FEM1B: variants seen among roughly 807,000 people sequenced by gnomAD.
The protein encoded by FEM1B is fem-1 homolog B.
A neutral mutation model predicts 38.6 loss-of-function variants in FEM1B; 10 were observed. The observed-to-expected ratio is 0.26, with a 90% CI of 0.16 to 0.44. The LOEUF (loss-of-function observed/expected upper bound fraction) is 0.44. Ranked by LOEUF, FEM1B falls within the 20% of genes least tolerant of loss-of-function variation. FEM1B has a pLI of 1.00. For synonymous variants in FEM1B, 288 were observed against 288.0 expected (o/e 1.00, Z 0.00); for missense variants, 471 against 786.7 (o/e 0.60, Z 4.80).
rs138070159 is a variant in FEM1B at position 68,289,465 on chromosome 15, A to T, written c.249-142A>T. 216 of 634,826 alleles carry T rather than the reference A, an allele frequency of 3.4e-4. 2 individuals carry two copies. In the East Asian group the frequency reaches 5.4e-3, roughly 16 times the overall value. The allele number at this position is 634,826 out of a possible 1,614,324, so 39.3% of individuals were successfully genotyped here. ...CTATGCAAAGTGCTTTCCTTAAATT[A>T]CCTGTTTTTATTTTCATGAGAACTG... On this transcript the variant is annotated intron_variant, in intron 1 of 1. Transcript: ENST00000306917. The surrounding 1 kb of genome is among the most constrained non-coding windows in gnomAD (Gnocchi z 6.9).
At chr15:68,279,826 C>T (rs1320748900) in intron 1 of FEM1B, 5 of 152,156 alleles carry the variant, frequency 3.3e-5, no homozygotes, top group African/African-American at 1.2e-4. Flanking sequence ...AGCCCATGGG[C>T]AATGGCTTAT....
chr15:68,290,742 G>C lies in FEM1B; in HGVS notation c.1384G>C (p.Glu462Gln). 1 of 1,613,958 alleles carries C rather than the reference G, an allele frequency of 6.2e-7. No homozygotes were observed. The change falls in exon 2 of 2, where the codon GAA becomes CAA. Residue 462 changes from glutamate (E) to glutamine (Q), a missense_variant. Coordinates refer to ENST00000306917, the MANE Select transcript of FEM1B (RefSeq NM_015322.5). The surrounding 1 kb of genome is among the most constrained non-coding windows in gnomAD (Gnocchi z 9.7). ...CTCTACCAAAACACAGTGCAGCGAA[G>C]AAGATCAGTGCAAAATTAACAAGCA... is the stretch of plus-strand genomic sequence containing the variant. ...CISTKTQCSE[E>Q]DQCKINKQIY...
In FEM1B at chr15:68,291,758, A is replaced by G. The variant is rs1459251452; in HGVS notation, c.*516A>G. On this transcript the variant is annotated 3_prime_UTR_variant, in exon 2 of 2. Transcript: ENST00000306917. This position sits in a 1 kb window ranked among gnomAD's most constrained non-coding sequence, Gnocchi z 6.9. Reference sequence around the variant, plus strand: ...TTCCATTATTTATACGGAGTGATGCAGCACATTTTAGCATTCAGGAGGATT... The same window carrying G: ...TTCCATTATTTATACGGAGTGATGCGGCACATTTTAGCATTCAGGAGGATT... The G allele has an allele frequency of 6.6e-6, 1 of 152,626 alleles. No homozygotes were observed. Among genetic ancestry groups the G allele is most frequent in the Admixed American group, 6.5e-5 (1 of 15,280 alleles). 9.5% of individuals were successfully genotyped at this position (152,626 alleles called of 1,614,324 possible). A position where few individuals can be genotyped will look rare whatever the true frequency, so the allele number is the denominator to read the frequency against.
chr15:68,285,905 T>G (rs557075280), intron 1 of FEM1B, among the ~76,000 whole-genome samples: 2 of 151,712 alleles, frequency 1.3e-5, no homozygotes, highest in Non-Finnish European at 2.9e-5. Flanking sequence ...ATAAATACTT[T>G]CTTTTTCTTT....
Position 68,281,456 on chromosome 15 carries a change from C to T in FEM1B, c.248+2791C>T, listed in dbSNP as rs577861201. On this transcript the variant is annotated intron_variant, in intron 1 of 1. Coordinates refer to ENST00000306917, the MANE Select transcript of FEM1B (RefSeq NM_015322.5). The surrounding 1 kb of genome is among the most constrained non-coding windows in gnomAD (Gnocchi z 5.1). ...GTTTGCTGTGTGTTTTGTGTGTGTG[C>T]GTGAGAAAGACATACATTAAAATAA... 3.3e-4 allele frequency among the ~76,000 whole-genome samples: 50 copies of T among 152,116 alleles called. No homozygotes were observed. The South Asian group carries it at 5.6e-3, about 17-fold the overall frequency.
chr15:68,283,502 T>TAAAA (rs60432847), intron 1 of FEM1B, among the ~76,000 whole-genome samples: 18 of 71,964 alleles, frequency 2.5e-4, no homozygotes, highest in African/African-American at 8.4e-4. Flanking sequence ...CATCTCTACC[T>TAAAA]AAAAAAAAAA....
intron 1 of FEM1B, among the ~76,000 whole-genome samples, chr15:68,287,830 CTTT>C (rs71455589): frequency 8.7e-6 from 1 of 114,680 alleles, no homozygotes; most frequent in Admixed American, 8.9e-5. Flanking sequence ...GCTAACGTCT[CTTT>C]TTTTTTTTTT....
At position 68,278,362 on chromosome 15, in the gene FEM1B, G is replaced by A. The variant is rs1892686095; in HGVS notation, c.-56G>A. 1 of 1,566,352 alleles carries A rather than the reference G, an allele frequency of 6.4e-7. No homozygotes were observed. The highest frequency in any genetic ancestry group is 2.3e-5 in the East Asian group (1 of 42,956). ...AGCGCTGGCGAACGCGGCCTCCGGG[G>A]GCGCACGGCAGCTGCAGCGGTGGCG... On this transcript the variant is annotated 5_prime_UTR_variant, in exon 1 of 2. Coordinates refer to ENST00000306917, the MANE Select transcript of FEM1B (RefSeq NM_015322.5). This position sits in a 1 kb window ranked among gnomAD's most constrained non-coding sequence, Gnocchi z 5.7.
At chr15:68,282,168 G>C (rs2140242370) in intron 1 of FEM1B, among the ~76,000 whole-genome samples, 1 of 152,266 alleles carries the variant, frequency 6.6e-6, no homozygotes, top group East Asian at 1.9e-4. Context: ...CTCTCTGCCA[G>C]AGTTTGTGGA....
chr15:68,279,402 AG>A (rs1269270162), intron 1 of FEM1B, among the ~76,000 whole-genome samples: 1 of 152,220 alleles, frequency 6.6e-6, no homozygotes, highest in Non-Finnish European at 1.5e-5. Context: ...GTTATGCCTA[AG>A]ATTTGCCCTT....
rs1226643583 is a variant in FEM1B, at chr15:68,288,208, C to T, written c.249-1399C>T. Among the ~76,000 whole-genome samples, 1 of 152,202 alleles carries T rather than the reference C, an allele frequency of 6.6e-6. No individual in the cohort carries two copies. Among genetic ancestry groups the T allele is most frequent in the African/African-American group, 2.4e-5 (1 of 41,444 alleles). ...TGACCTAATCACCTCTTCAAGACAT[C>T]ACCTCTTAATGCTATTCACGTTTGG... On this transcript the variant is annotated intron_variant, in intron 1 of 1. Transcript: ENST00000306917. This position sits in a 1 kb window ranked among gnomAD's most constrained non-coding sequence, Gnocchi z 4.6.
intron 1 of FEM1B, among the ~76,000 whole-genome samples, chr15:68,287,126 G>A (rs1321675417): frequency 1.3e-5 from 2 of 152,094 alleles, no homozygotes; most frequent in South Asian, 2.1e-4. Context: ...CCTGACCTCC[G>A]GTGATCCGCC....
At position 68,281,173 on chromosome 15, in the gene FEM1B, C is replaced by T. The variant is rs1217006535; in HGVS notation, c.248+2508C>T. Among the ~76,000 whole-genome samples the T allele has an allele frequency of 6.6e-6, 1 of 152,192 alleles. No homozygotes were observed. The highest frequency in any genetic ancestry group is 1.9e-4 in the East Asian group (1 of 5,204). ...CATTAACAATAGAAAGCTGACTTGA[C>T]CCTTGGGGGCTGACCTTTGAAAAAC... On this transcript the variant is annotated intron_variant, in intron 1 of 1. Transcript: ENST00000306917. This position sits in a 1 kb window ranked among gnomAD's most constrained non-coding sequence, Gnocchi z 5.1.
At position 68,294,298 on chromosome 15, in the gene FEM1B, A is replaced by C. The variant is rs1249598836; in HGVS notation, c.*3056A>C. The C allele has an allele frequency of 1.3e-5, 2 of 150,664 alleles. No homozygotes were observed. Among genetic ancestry groups the C allele is most frequent in the Non-Finnish European group, 2.9e-5 (2 of 67,996 alleles). 9.3% of individuals were successfully genotyped at this position (150,664 alleles called of 1,614,324 possible). A position where few individuals can be genotyped will look rare whatever the true frequency, so the allele number is the denominator to read the frequency against. On this transcript the variant is annotated 3_prime_UTR_variant, in exon 2 of 2. Coordinates refer to ENST00000306917, the MANE Select transcript of FEM1B (RefSeq NM_015322.5). The surrounding 1 kb of genome is among the most constrained non-coding windows in gnomAD (Gnocchi z 4.4). ...GCTGTGGGAATTTTAAATAAACCAA[A>C]CCCCAAAGCAGACCATCTGTAAGCT...
Position 68,289,613 on chromosome 15 carries a change from C to T in FEM1B, c.255C>T (p.Val85=). ...QTGTVRFDGY[V]IDGATALWCA... ...TTATTCTTTTCATGTGTAGGTATGT[C>T]ATTGATGGTGCCACTGCTCTTTGGT... Residue 85 remains valine (V), a synonymous_variant, in exon 2 of 2, where the codon GTC becomes GTT. Transcript: ENST00000306917. This position sits in a 1 kb window ranked among gnomAD's most constrained non-coding sequence, Gnocchi z 6.9. 1 of 1,613,224 alleles carries T rather than the reference C, an allele frequency of 6.2e-7. No individual in the cohort carries two copies. The highest frequency in any genetic ancestry group is 8.5e-7 in the Non-Finnish European group (1 of 1,179,382).
In FEM1B at chr15:68,291,506, C is replaced by CAGAT. The variant is rs1251780309; in HGVS notation, c.*266_*269dup. 7.5e-6 allele frequency: 3 copies of CAGAT among 397,682 alleles called. No individual in the cohort carries two copies. Among genetic ancestry groups the CAGAT allele is most frequent in the Non-Finnish European group, 8.9e-6 (2 of 224,458 alleles). 24.6% of individuals were successfully genotyped at this position (397,682 alleles called of 1,614,324 possible). ...TTTGTCTTTCTTTTTTTTAAAGGAACAGATATAAAATGTTTTGTTTATGTA... is the reference window on the plus strand; with the variant it reads ...TTTGTCTTTCTTTTTTTTAAAGGAACAGATAGATATAAAATGTTTTGTTTATGTA... On this transcript the variant is annotated 3_prime_UTR_variant, in exon 2 of 2. Transcript: ENST00000306917. The surrounding 1 kb of genome is among the most constrained non-coding windows in gnomAD (Gnocchi z 6.9).
At position 68,290,285 on chromosome 15, in the gene FEM1B, A is replaced by C; in HGVS notation, c.927A>C (p.Arg309Ser). 3 of 1,614,154 alleles carry C rather than the reference A, an allele frequency of 1.9e-6. No homozygotes were observed. The highest frequency in any genetic ancestry group is 1.7e-6 in the Non-Finnish European group (2 of 1,180,032). Residue 309 changes from arginine to serine, a missense_variant, in exon 2 of 2, where the codon AGA (arginine) becomes AGC (serine). By Grantham distance (110) the Arg-to-Ser change is moderately radical. Coordinates refer to ENST00000306917, the MANE Select transcript of FEM1B (RefSeq NM_015322.5). The surrounding 1 kb of genome is among the most constrained non-coding windows in gnomAD (Gnocchi z 9.7). ...IHAYGNRTEC[R>S]NPQELESIRQ... ...CTTATGGGAATAGAACTGAATGTAG[A>C]AATCCTCAGGAACTGGAGTCCATTC...
At position 68,291,150 on chromosome 15, in the gene FEM1B, A is replaced by C. The variant is rs1357693478; in HGVS notation, c.1792A>C (p.Lys598Gln). ...LLKTQMKMSL[K>Q]CLAARAVRAN... is the part of the protein sequence containing the mutation. Reference sequence around the variant, plus strand: ...TAAAACTCAAATGAAGATGAGTCTCAAGTGCCTGGCTGCCCGAGCAGTTCG... The same window carrying C: ...TAAAACTCAAATGAAGATGAGTCTCCAGTGCCTGGCTGCCCGAGCAGTTCG... Residue 598 changes from lysine to glutamine, a missense_variant, in exon 2 of 2, where the codon AAG (lysine) becomes CAG (glutamine). Coordinates refer to ENST00000306917, the MANE Select transcript of FEM1B (RefSeq NM_015322.5). The surrounding 1 kb of genome is among the most constrained non-coding windows in gnomAD (Gnocchi z 6.9). The C allele has an allele frequency of 7.4e-6, 12 of 1,614,022 alleles. No individual in the cohort carries two copies. The highest frequency in any genetic ancestry group is 1.0e-5 in the Non-Finnish European group (12 of 1,179,990).
chr15:68,281,857 G>A lies in FEM1B; in HGVS notation c.248+3192G>A, dbSNP rs748606352. On this transcript the variant is annotated intron_variant, in intron 1 of 1. Transcript: ENST00000306917. This position sits in a 1 kb window ranked among gnomAD's most constrained non-coding sequence, Gnocchi z 5.1. Reference sequence around the variant, plus strand: ...TCTCGATCTCCTGACCTCGTGATCCGCATGCCTCGGCCTCCCTAAGTGCTG... The same window carrying A: ...TCTCGATCTCCTGACCTCGTGATCCACATGCCTCGGCCTCCCTAAGTGCTG... 4.6e-5 allele frequency among the ~76,000 whole-genome samples: 7 copies of A among 152,160 alleles called. No individual in the cohort carries two copies. The South Asian group carries it at 8.3e-4, about 18-fold the overall frequency.
Sources: allele counts gnomAD v4.1 joint callset (sites outside exome capture counted in the v4.1 genomes callset), GRCh38; gene constraint gnomAD v4.1.1; non-coding constraint Gnocchi (gnomAD v3.1); transcripts MANE v1.5; gene names NCBI Gene and HGNC (gene_info 2026-07-23, HGNC 2026-07-21).